NRG1: variants seen among roughly 807,000 people sequenced by gnomAD.
NRG1 encodes the protein neuregulin 1.
A neutral mutation model predicts 63.8 loss-of-function variants in NRG1; 18 were observed. The ratio of observed to expected loss-of-function variants is 0.28; its 90% CI spans 0.19 to 0.42. The LOEUF (loss-of-function observed/expected upper bound fraction) is 0.42. Among genes scored for constraint, NRG1 ranks in the 10% least tolerant of loss-of-function variants. NRG1 has a pLI of 1.00. For missense variants in NRG1, 762 were observed against 814.7 expected, an observed-to-expected ratio of 0.94 and a Z score of 0.79; for synonymous variants, 302 against 301.3, an observed-to-expected ratio of 1.00 and a Z score of -0.02.
chr8:31,793,890 C>T (rs540880330), intron 1 of NRG1, among the ~76,000 whole-genome samples: 2 of 152,192 alleles, frequency 1.3e-5, no homozygotes, highest in East Asian at 3.9e-4. Flanking sequence ...TCCCTTCCTC[C>T]TTCCATCTCT....
At chr8:31,734,081 A>T (rs760582861) in intron 1 of NRG1, among the ~76,000 whole-genome samples, 1 of 152,072 alleles carries the variant, frequency 6.6e-6, no homozygotes, top group Non-Finnish European at 1.5e-5. Context: ...TGGCTCATGC[A>T]TGTAATCCCA....
intron 1 of NRG1, among the ~76,000 whole-genome samples, chr8:31,684,382 C>T (rs762752771): frequency 6.6e-6 from 1 of 152,192 alleles, no homozygotes; most frequent in African/African-American, 2.4e-5. Flanking sequence ...ATCTCTTCTG[C>T]CATGTGAAAA....
chr8:32,442,036 T>C (rs1819617908), intron 1 of NRG1, among the ~76,000 whole-genome samples: 1 of 152,114 alleles, frequency 6.6e-6, no homozygotes. Context: ...AAAATAGAGA[T>C]AAAAAAGACT....
chr8:32,761,743 A>C (rs1398611243), intron 11 of NRG1, among the ~76,000 whole-genome samples: 1 of 151,988 alleles, frequency 6.6e-6, no homozygotes, highest in African/African-American at 2.4e-5. Flanking sequence ...GGGAGTACTT[A>C]CAATAAAAAA....
chr8:32,382,768 C>T (rs1000553855), intron 1 of NRG1, among the ~76,000 whole-genome samples: 1 of 152,146 alleles, frequency 6.6e-6, no homozygotes, highest in African/African-American at 2.4e-5. Context: ...ATGACTTCAG[C>T]TGATACAGTC....
chr8:31,873,247 G>C (rs1404552083), intron 1 of NRG1, among the ~76,000 whole-genome samples: 1 of 152,080 alleles, frequency 6.6e-6, no homozygotes, highest in Non-Finnish European at 1.5e-5. Context: ...TTCACTGCTA[G>C]AGCAATAAAA....
intron 1 of NRG1, among the ~76,000 whole-genome samples, chr8:32,072,907 T>G (rs1455310639): frequency 6.6e-6 from 1 of 152,172 alleles, no homozygotes; most frequent in Admixed American, 6.5e-5. Flanking sequence ...TGTTCACTTC[T>G]ATTATTAACA....
At chr8:32,090,593 T>A (rs1226001679) in intron 1 of NRG1, among the ~76,000 whole-genome samples, 1 of 152,190 alleles carries the variant, frequency 6.6e-6, no homozygotes, top group African/African-American at 2.4e-5. Context: ...AGTGCTGAGA[T>A]TACAGGCGTG....
At chr8:32,358,393 C>G (rs942893069) in intron 1 of NRG1, among the ~76,000 whole-genome samples, 7 of 120,810 alleles carry the variant, frequency 5.8e-5, no homozygotes, top group African/African-American at 2.2e-4. Context: ...AAAAAAAAAC[C>G]ATGGGAGTGG....
intron 1 of NRG1, among the ~76,000 whole-genome samples, chr8:32,034,226 G>T (rs1441471533): frequency 6.6e-6 from 1 of 152,056 alleles, no homozygotes; most frequent in African/African-American, 2.4e-5. Context: ...TTTTGTCATT[G>T]GTTCTGTTTA....
chr8:32,725,165 G>C (rs1434847679), intron 5 of NRG1, among the ~76,000 whole-genome samples: 1 of 152,032 alleles, frequency 6.6e-6, no homozygotes. Flanking sequence ...TGTTGGTTTT[G>C]TTGTTTTTAG....
At chr8:31,805,162 G>GT (rs1179795345) in intron 1 of NRG1, among the ~76,000 whole-genome samples, 2 of 151,866 alleles carry the variant, frequency 1.3e-5, no homozygotes, top group Non-Finnish European at 2.9e-5. Context: ...TTATATATTG[G>GT]TGACTTTAGG....
intron 5 of NRG1, among the ~76,000 whole-genome samples, chr8:32,675,552 T>C (rs1806864263): frequency 6.6e-6 from 1 of 152,200 alleles, no homozygotes; most frequent in African/African-American, 2.4e-5. Context: ...AAGAGTAAAA[T>C]ATTTAATTCA....
At chr8:32,285,454 G>A (rs550101776) in intron 1 of NRG1, among the ~76,000 whole-genome samples, 2 of 152,274 alleles carry the variant, frequency 1.3e-5, no homozygotes, top group South Asian at 4.2e-4. Context: ...GATTATCTGG[G>A]AGTCCAGGCA....
At chr8:32,120,402 AT>A (rs1273466879) in intron 1 of NRG1, among the ~76,000 whole-genome samples, 1 of 152,038 alleles carries the variant, frequency 6.6e-6, no homozygotes, top group African/African-American at 2.4e-5. Flanking sequence ...AGCATCAGTA[AT>A]TTTGGAAGAA....
chr8:32,385,637 C>G (rs989672287), intron 1 of NRG1, among the ~76,000 whole-genome samples: 1 of 152,028 alleles, frequency 6.6e-6, no homozygotes, highest in African/African-American at 2.4e-5. Context: ...CACACTTTTA[C>G]AAGAATTTAC....
chr8:32,465,877 CA>C (rs1217977843), intron 1 of NRG1, among the ~76,000 whole-genome samples: 1 of 151,820 alleles, frequency 6.6e-6, no homozygotes, highest in African/African-American at 2.4e-5. Flanking sequence ...AACCACAATA[CA>C]AAAAAGTATA....
At chr8:31,789,247 T>C (rs1405748102) in intron 1 of NRG1, among the ~76,000 whole-genome samples, 2 of 152,174 alleles carry the variant, frequency 1.3e-5, no homozygotes, top group Non-Finnish European at 2.9e-5. Flanking sequence ...ATTGACCTCA[T>C]TGGAGAAAAA....
chr8:32,346,059 A>G (rs1244497093), intron 1 of NRG1, among the ~76,000 whole-genome samples: 1 of 147,808 alleles, frequency 6.8e-6, no homozygotes, highest in Admixed American at 6.8e-5. Flanking sequence ...TATTAATTCT[A>G]TATTTTATAT....
Sources: allele counts gnomAD v4.1 joint callset (sites outside exome capture counted in the v4.1 genomes callset), GRCh38; gene constraint gnomAD v4.1.1; transcripts MANE v1.5; gene names NCBI Gene and HGNC (gene_info 2026-07-23, HGNC 2026-07-21).